The following LRMDA variants were observed in gnomAD, a reference collection of about 807,000 sequenced individuals.
LRMDA encodes leucine-rich melanocyte differentiation-associated protein.
Under a neutral mutation model 29.8 loss-of-function variants are expected in LRMDA, and 18 were observed. The observed-to-expected ratio is 0.60, with a 90% confidence interval of 0.42 to 0.90. LRMDA has a LOEUF of 0.90. Among genes scored for constraint, LRMDA ranks in the 40% least tolerant of loss-of-function variants. The probability of loss-of-function intolerance (pLI) is 0.00; values close to 1 mark genes in which losing one functional copy is unlikely to be tolerated. For missense variants in LRMDA, 273 were observed against 273.9 expected, an observed-to-expected ratio of 1.00 and a Z score of 0.02; for synonymous variants, 125 against 109.4, an observed-to-expected ratio of 1.14 and a Z score of -0.89.
rs1226006932 is a variant in LRMDA, at chr10:75,556,603, C to T, written c.131+118109C>T. Among the ~76,000 whole-genome samples, 3 of 152,150 alleles carry T rather than the reference C, an allele frequency of 2.0e-5. No individual in the cohort carries two copies. In the East Asian group the frequency reaches 5.8e-4, roughly 29 times the overall value. ...AGTAAACAACAACAAAAAGACTATT[C>T]TTTCCCTTTGATTTTTAAAAAATCT... On this transcript the variant is annotated intron_variant, in intron 2 of 6. Transcript: ENST00000611255.
At chr10:76,054,076 C>T (rs1848571616) in intron 4 of LRMDA, among the ~76,000 whole-genome samples, 1 of 152,216 alleles carries the variant, frequency 6.6e-6, no homozygotes, top group South Asian at 2.1e-4. Flanking sequence ...TTTATCTCCT[C>T]ATGTTGGTAC....
chr10:76,110,817 G>C (rs1173981876), intron 5 of LRMDA, among the ~76,000 whole-genome samples: 1 of 152,068 alleles, frequency 6.6e-6, no homozygotes, highest in Admixed American at 6.6e-5. Context: ...CCCAGTCTCA[G>C]GTATGTCTTT....
chr10:76,010,560 C>G (rs1192438959), intron 2 of LRMDA, among the ~76,000 whole-genome samples: 1 of 152,180 alleles, frequency 6.6e-6, no homozygotes, highest in Non-Finnish European at 1.5e-5. Context: ...GATCTGCCCA[C>G]CTTGGCCTCC....
intron 5 of LRMDA, among the ~76,000 whole-genome samples, chr10:76,185,736 G>A (rs74706343): frequency 2.9e-4 from 44 of 152,172 alleles, no homozygotes; most frequent in Non-Finnish European, 6.2e-4. Flanking sequence ...AAATCGGTCT[G>A]GTAAGAACCA....
chr10:76,211,981 T>C (rs1307538623), intron 5 of LRMDA, among the ~76,000 whole-genome samples: 1 of 152,156 alleles, frequency 6.6e-6, no homozygotes, highest in Non-Finnish European at 1.5e-5. Flanking sequence ...TCCTTAACTC[T>C]ACATCCTACA....
At chr10:76,380,892 A>G (rs1841582521) in intron 6 of LRMDA, among the ~76,000 whole-genome samples, 1 of 151,810 alleles carries the variant, frequency 6.6e-6, no homozygotes, top group Admixed American at 6.6e-5. Context: ...AATAAAATGC[A>G]TGTAGCTGAA....
At chr10:75,922,909 T>C (rs1846049730) in intron 2 of LRMDA, among the ~76,000 whole-genome samples, 1 of 152,204 alleles carries the variant, frequency 6.6e-6, no homozygotes, top group East Asian at 1.9e-4. Context: ...GATGGTGATA[T>C]CCATATTTAT....
intron 5 of LRMDA, among the ~76,000 whole-genome samples, chr10:76,215,204 G>C (rs1243401466): frequency 6.6e-6 from 1 of 152,186 alleles, no homozygotes; most frequent in Non-Finnish European, 1.5e-5. Context: ...CTTGAGCATG[G>C]ACGAGAGTGT....
intron 2 of LRMDA, among the ~76,000 whole-genome samples, chr10:75,516,917 T>C (rs1042072789): frequency 2.0e-5 from 3 of 152,140 alleles, no homozygotes; most frequent in Non-Finnish European, 4.4e-5. Flanking sequence ...TTTCTACATA[T>C]GGCTAGCCAG....
chr10:76,377,951 T>C (rs1841541633), intron 6 of LRMDA, among the ~76,000 whole-genome samples: 1 of 152,296 alleles, frequency 6.6e-6, no homozygotes, highest in East Asian at 1.9e-4. Context: ...AGGAATTGCA[T>C]TGAATCTGAA....
At chr10:75,589,292 C>T (rs994622289) in intron 2 of LRMDA, among the ~76,000 whole-genome samples, 1 of 152,076 alleles carries the variant, frequency 6.6e-6, no homozygotes, top group African/African-American at 2.4e-5. Flanking sequence ...TGGATTTGGG[C>T]CAATATGATA....
At chr10:76,320,931 A>G (rs56072623) in intron 5 of LRMDA, among the ~76,000 whole-genome samples, 2 of 152,344 alleles carry the variant, frequency 1.3e-5, no homozygotes, top group African/African-American at 2.4e-5. Flanking sequence ...TTCCATAAAT[A>G]TTATATTACA....
At chr10:76,059,762 T>A (rs1484989360) in intron 5 of LRMDA, among the ~76,000 whole-genome samples, 1 of 152,228 alleles carries the variant, frequency 6.6e-6, no homozygotes, top group Non-Finnish European at 1.5e-5. Context: ...ACATCTTCCA[T>A]CAAGTTGCTC....
intron 2 of LRMDA, among the ~76,000 whole-genome samples, chr10:75,826,914 A>C (rs1326747734): frequency 6.6e-6 from 1 of 152,064 alleles, no homozygotes; most frequent in African/African-American, 2.4e-5. Context: ...TATTTGAAAA[A>C]CATCTCTTGT....
intron 6 of LRMDA, among the ~76,000 whole-genome samples, chr10:76,418,914 T>A (rs962182612): frequency 4.6e-5 from 7 of 152,104 alleles, no homozygotes; most frequent in African/African-American, 1.7e-4. Context: ...GATCATTTTT[T>A]AAAATAGACT....
chr10:75,449,640 A>AT, intron 2 of LRMDA, among the ~76,000 whole-genome samples: 1 of 151,932 alleles, frequency 6.6e-6, no homozygotes, highest in African/African-American at 2.4e-5. Context: ...ATACGTATAT[A>AT]GCATTTCCTG....
intron 3 of LRMDA, among the ~76,000 whole-genome samples, chr10:76,037,525 C>T (rs1426080704): frequency 3.3e-5 from 5 of 152,238 alleles, no homozygotes; most frequent in African/African-American, 4.8e-5. Flanking sequence ...TTGTCTCAGT[C>T]AGCTCTTGCT....
intron 2 of LRMDA, among the ~76,000 whole-genome samples, chr10:75,609,677 G>T (rs545746245): frequency 6.6e-6 from 1 of 152,194 alleles, no homozygotes; most frequent in Non-Finnish European, 1.5e-5. Flanking sequence ...TAGCCTGGGC[G>T]AGCTGAGAAG....
At chr10:75,681,834 T>C (rs1455375100) in intron 2 of LRMDA, among the ~76,000 whole-genome samples, 1 of 152,224 alleles carries the variant, frequency 6.6e-6, no homozygotes, top group Non-Finnish European at 1.5e-5. Flanking sequence ...TGCTGAGTTA[T>C]TTATCTCATC....
Sources: gnomAD v4.1 joint callset for allele counts (sites outside exome capture counted in the v4.1 genomes callset) on GRCh38, gnomAD v4.1.1 for gene constraint, MANE v1.5 for transcripts, NCBI Gene and HGNC (gene_info 2026-07-23, HGNC 2026-07-21) for gene names.